The following PGCKA1 variants were observed in gnomAD, a reference collection of about 807,000 sequenced individuals.
PGCKA1 encodes PDCD10 and GCKIII kinases associated 1, also known as PDCD10 and GCKIII kinases-associated protein 1.
At chr4:37,571,912 G>A in the PGCKA1 span, among the ~76,000 whole-genome samples, 719 of 152,026 alleles carry the variant, frequency 4.7e-3, 5 homozygotes, top group African/African-American at 0.017. Flanking sequence ...GATTACTGAC[G>A]TGAGCCGCCA....
chr4:37,588,508 A>C, the PGCKA1 span: 1 of 205,790 alleles, frequency 4.9e-6, no homozygotes, highest in Non-Finnish European at 9.9e-6. Flanking sequence ...TGTAGAAGGT[A>C]ACAGATTAGA....
At chr4:37,579,016 C>T in the PGCKA1 span, among the ~76,000 whole-genome samples, 4 of 152,140 alleles carry the variant, frequency 2.6e-5, no homozygotes, top group Admixed American at 2.0e-4. Context: ...CGAGATTGCG[C>T]CATTGCACTC....
the PGCKA1 span, among the ~76,000 whole-genome samples, chr4:37,502,825 A>T: frequency 1.3e-5 from 2 of 152,062 alleles, no homozygotes; most frequent in East Asian, 1.9e-4. Context: ...CACAGGAGCT[A>T]TGATGCGGCA....
At chr4:37,579,672 T>G in the PGCKA1 span, among the ~76,000 whole-genome samples, 1 of 152,204 alleles carries the variant, frequency 6.6e-6, no homozygotes, top group Admixed American at 6.5e-5. Context: ...GTATGTTATT[T>G]GTTTCTTTTC....
the PGCKA1 span, among the ~76,000 whole-genome samples, chr4:37,531,683 G>C: frequency 6.6e-6 from 1 of 151,510 alleles, no homozygotes; most frequent in Non-Finnish European, 1.5e-5. Context: ...ACGAGGTCAG[G>C]AGATCGAGAC....
At chr4:37,556,434 ATT>A in the PGCKA1 span, among the ~76,000 whole-genome samples, 1 of 136,360 alleles carries the variant, frequency 7.3e-6, no homozygotes, top group Admixed American at 7.3e-5. Context: ...CACCAGGTTA[ATT>A]TTTTGTATTT....
chr4:37,510,975 A>C, the PGCKA1 span, among the ~76,000 whole-genome samples: 1 of 151,308 alleles, frequency 6.6e-6, no homozygotes, highest in African/African-American at 2.4e-5. Context: ...GCCTCACCCC[A>C]TTGCCACCAC....
chr4:37,571,766 T>G, the PGCKA1 span, among the ~76,000 whole-genome samples: 1 of 151,994 alleles, frequency 6.6e-6, no homozygotes, highest in Non-Finnish European at 1.5e-5. Flanking sequence ...CTCGATCTCC[T>G]GACCTCGTGA....
chr4:37,481,507 C>CAA, the PGCKA1 span, among the ~76,000 whole-genome samples: 1 of 64,456 alleles, frequency 1.6e-5, no homozygotes, highest in African/African-American at 4.1e-5. Flanking sequence ...AAAAGAAGTC[C>CAA]AAGATCAAGG....
the PGCKA1 span, among the ~76,000 whole-genome samples, chr4:37,576,514 C>A: frequency 0.15 from 22,344 of 151,940 alleles, 4,490 homozygotes; most frequent in African/African-American, 0.45. Context: ...ATAAGGTTGT[C>A]TCATCAGCAG....
the PGCKA1 span, among the ~76,000 whole-genome samples, chr4:37,544,564 G>A: frequency 6.9e-6 from 1 of 145,754 alleles, no homozygotes; most frequent in African/African-American, 2.5e-5. Context: ...GCTAATTTAT[G>A]TGAGATTTCT....
At chr4:37,491,493 T>A in the PGCKA1 span, among the ~76,000 whole-genome samples, 5 of 152,212 alleles carry the variant, frequency 3.3e-5, no homozygotes, top group Non-Finnish European at 7.3e-5. Flanking sequence ...GTTTTTCTTG[T>A]GCATTTTTTT....
the PGCKA1 span, among the ~76,000 whole-genome samples, chr4:37,533,068 A>G: frequency 6.6e-6 from 1 of 152,210 alleles, no homozygotes; most frequent in African/African-American, 2.4e-5. Flanking sequence ...CTGGTATGTA[A>G]CCAGATACCA....
the PGCKA1 span, among the ~76,000 whole-genome samples, chr4:37,482,325 T>C: frequency 1.3e-5 from 2 of 152,150 alleles, no homozygotes; most frequent in African/African-American, 4.8e-5. Context: ...CTGTTAATGA[T>C]ATGGATAATA....
the PGCKA1 span, among the ~76,000 whole-genome samples, chr4:37,575,020 T>C: frequency 6.6e-6 from 1 of 152,198 alleles, no homozygotes; most frequent in African/African-American, 2.4e-5. Flanking sequence ...CTTCTGTTGC[T>C]TCCAAATCTT....
the PGCKA1 span, among the ~76,000 whole-genome samples, chr4:37,582,819 T>C: frequency 4.0e-5 from 6 of 150,160 alleles, no homozygotes; most frequent in Non-Finnish European, 8.8e-5. Flanking sequence ...CTTAATCATA[T>C]GGGGGGGAGC....
At chr4:37,574,020 T>G in the PGCKA1 span, among the ~76,000 whole-genome samples, 1 of 150,808 alleles carries the variant, frequency 6.6e-6, no homozygotes, top group Non-Finnish European at 1.5e-5. Flanking sequence ...AAACCCCATC[T>G]CTACTAAAAA....
chr4:37,555,256 C>T, the PGCKA1 span, among the ~76,000 whole-genome samples: 1 of 152,218 alleles, frequency 6.6e-6, no homozygotes, highest in Non-Finnish European at 1.5e-5. Flanking sequence ...GCTTAGCACT[C>T]TACATGGCAC....
the PGCKA1 span, among the ~76,000 whole-genome samples, chr4:37,494,242 C>T: frequency 3.9e-5 from 6 of 152,120 alleles, no homozygotes; most frequent in Non-Finnish European, 7.4e-5. Flanking sequence ...AGATATTAAG[C>T]CTGGTACCCA....
Sources: allele counts gnomAD v4.1 joint callset (sites outside exome capture counted in the v4.1 genomes callset), GRCh38; gene constraint gnomAD v4.1.1; transcripts MANE v1.5; gene names NCBI Gene and HGNC (gene_info 2026-07-23, HGNC 2026-07-21).